GALNT7: variants seen among roughly 807,000 people sequenced by gnomAD.
GALNT7 encodes N-acetylgalactosaminyltransferase 7.
A neutral mutation model predicts 82.1 loss-of-function variants in GALNT7; 60 were observed. That is an observed-to-expected ratio of 0.73 (90% confidence interval 0.59 to 0.91). The LOEUF (loss-of-function observed/expected upper bound fraction) is 0.91, where lower values mean the gene tolerates loss of function less well. GALNT7 is among the 40% of genes least tolerant of loss of function. The probability of loss-of-function intolerance (pLI) is 0.00; values close to 1 mark genes in which losing one functional copy is unlikely to be tolerated. For missense variants in GALNT7, 660 were observed against 804.2 expected (o/e 0.82, Z 2.17); for synonymous variants, 243 against 275.1 (o/e 0.88, Z 1.15).
intron 1 of GALNT7, among the ~76,000 whole-genome samples, chr4:173,238,252 C>T (rs1397747767): frequency 6.6e-6 from 1 of 151,822 alleles, no homozygotes; most frequent in Non-Finnish European, 1.5e-5. Context: ...TTAGACAGAT[C>T]ATTTTGTAGG....
At chr4:173,194,642 G>GT (rs939774249) in intron 1 of GALNT7, among the ~76,000 whole-genome samples, 5 of 151,878 alleles carry the variant, frequency 3.3e-5, no homozygotes, top group South Asian at 2.1e-4. Context: ...TTATTTATTA[G>GT]TTTTTTTTAT....
At chr4:173,187,098 T>C (rs1289044306) in intron 1 of GALNT7, among the ~76,000 whole-genome samples, 11 of 152,154 alleles carry the variant, frequency 7.2e-5, no homozygotes, top group Admixed American at 7.2e-4. Context: ...AAAAAGAATG[T>C]ATGTTCATTG....
chr4:173,321,932 T>A lies in GALNT7; in HGVS notation c.*215T>A, dbSNP rs971040279. ...ACAAGACTGCTTTTACCTTAAACTT[T>A]GTAGATGTTTACATCTTTTTGTTGT... is the stretch of plus-strand genomic sequence containing the variant. On this transcript the variant is annotated 3_prime_UTR_variant, in exon 12 of 12. Transcript: ENST00000265000. 1 of 421,016 alleles carries A rather than the reference T, an allele frequency of 2.4e-6. No individual in the cohort carries two copies. The highest frequency in any genetic ancestry group is 2.0e-5 in the African/African-American group (1 of 50,436). The allele number at this position is 421,016 out of a possible 1,614,324, so 26.1% of individuals were successfully genotyped here.
Position 173,321,877 on chromosome 4 carries a change from C to T in GALNT7, c.*160C>T, listed in dbSNP as rs1737832968. The stretch of plus-strand genomic sequence containing the variant: ...AGGACATTGATAAACTGTGATTTTA[C>T]AATAACATTATCATCTGCAGTTACT... On this transcript the variant is annotated 3_prime_UTR_variant, in exon 12 of 12. Transcript: ENST00000265000. 2 of 552,126 alleles carry T rather than the reference C, an allele frequency of 3.6e-6. No individual in the cohort carries two copies. Among genetic ancestry groups the T allele is most frequent in the Non-Finnish European group, 3.2e-6 (1 of 308,022 alleles). The allele number at this position is 552,126 out of a possible 1,614,324, so 34.2% of individuals were successfully genotyped here. A position where few individuals can be genotyped will look rare whatever the true frequency, so the allele number is the denominator to read the frequency against.
rs1481035742 is a variant in GALNT7 at position 173,320,648 on chromosome 4, GTTTT to G, written c.1837-928_1837-925del. Among the ~76,000 whole-genome samples, 2 of 152,018 alleles carry G rather than the reference GTTTT, an allele frequency of 1.3e-5. No homozygotes were observed. The highest frequency in any genetic ancestry group is 2.4e-5 in the African/African-American group (1 of 41,394). On this transcript the variant is annotated intron_variant, in intron 11 of 11. Coordinates refer to ENST00000265000, the MANE Select transcript of GALNT7 (RefSeq NM_017423.3). This position sits in a 1 kb window ranked among gnomAD's most constrained non-coding sequence, Gnocchi z 4.1. ...AATAGCCGTTCATATAATTGTGGCTGTTTTTTTATTGTACACCACAACTTAATAA... is the reference window on the plus strand; with the variant it reads ...AATAGCCGTTCATATAATTGTGGCTGTTTATTGTACACCACAACTTAATAA...
At chr4:173,226,678 G>T (rs1231039057) in intron 1 of GALNT7, among the ~76,000 whole-genome samples, 1 of 152,164 alleles carries the variant, frequency 6.6e-6, no homozygotes, top group Non-Finnish European at 1.5e-5. Context: ...AGGCAGAAGG[G>T]CTGTGTGTGC....
At chr4:173,280,275 A>G (rs975057925) in intron 2 of GALNT7, among the ~76,000 whole-genome samples, 1 of 152,346 alleles carries the variant, frequency 6.6e-6, no homozygotes, top group African/African-American at 2.4e-5. Flanking sequence ...TCAAAATGTT[A>G]CGTTTTTCAT....
At chr4:173,270,780 A>T (rs990560016) in intron 2 of GALNT7, among the ~76,000 whole-genome samples, 1 of 152,214 alleles carries the variant, frequency 6.6e-6, no homozygotes, top group Non-Finnish European at 1.5e-5. Flanking sequence ...CTTCCAGCAG[A>T]GCTCTTGTAT....
intron 8 of GALNT7, among the ~76,000 whole-genome samples, chr4:173,311,271 A>T (rs1056575072): frequency 2.6e-5 from 4 of 152,220 alleles, no homozygotes; most frequent in African/African-American, 9.6e-5. Context: ...ATGTGTATAC[A>T]TAACTCTTCA....
At chr4:173,293,575 T>C (rs1736614573) in intron 3 of GALNT7, among the ~76,000 whole-genome samples, 2 of 152,248 alleles carry the variant, frequency 1.3e-5, no homozygotes, top group South Asian at 4.1e-4. Context: ...TAAAAGGAGC[T>C]AACTCGTAAT....
In GALNT7 at chr4:173,295,753, T is replaced by C; in HGVS notation, c.886-11T>C. On this transcript the variant is annotated splice_polypyrimidine_tract_variant and intron_variant, in intron 4 of 11. Coordinates refer to ENST00000265000, the MANE Select transcript of GALNT7 (RefSeq NM_017423.3). ...TGAGGAGTATTCTTTCACCTGCCTC[T>C]TTTTTTTAAGGTTTTGATATACCTT... The C allele has an allele frequency of 1.9e-6, 3 of 1,559,064 alleles. No homozygotes were observed. The highest frequency in any genetic ancestry group is 1.4e-5 in the African/African-American group (1 of 72,906).
intron 1 of GALNT7, among the ~76,000 whole-genome samples, chr4:173,235,556 C>CTTTT (rs11421248): frequency 9.2e-5 from 13 of 140,788 alleles, no homozygotes; most frequent in South Asian, 2.2e-4. Flanking sequence ...CTTTTCTTTT[C>CTTTT]TTTTTTTTTT....
chr4:173,257,541 A>C (rs1421971680), intron 2 of GALNT7, among the ~76,000 whole-genome samples: 1 of 152,232 alleles, frequency 6.6e-6, no homozygotes, highest in African/African-American at 2.4e-5. Flanking sequence ...ATGAGTTAAA[A>C]TTATATAAAT....
rs1302133299 is a variant in GALNT7 at position 173,297,766 on chromosome 4, T to C, written c.966-349T>C. 29 of 1,233,992 alleles carry C rather than the reference T, an allele frequency of 2.4e-5. No individual in the cohort carries two copies. The East Asian group carries it at 5.8e-4, about 25-fold the overall frequency. 76.4% of individuals were successfully genotyped at this position (1,233,992 alleles called of 1,614,324 possible). ...GCTGAACTAGTCTTGGGTTCTTAAA[T>C]GCTTTTTCATTTTCTGTAAATGTTT... On this transcript the variant is annotated intron_variant, in intron 5 of 11. Coordinates refer to ENST00000265000, the MANE Select transcript of GALNT7 (RefSeq NM_017423.3).
Position 173,317,828 on chromosome 4 carries a change from G to T in GALNT7, c.1707+96G>T, listed in dbSNP as rs1375089968. On this transcript the variant is annotated intron_variant, in intron 10 of 11. Coordinates refer to ENST00000265000, the MANE Select transcript of GALNT7 (RefSeq NM_017423.3). ...ATCTTTGTACTTTGGTTTTCGATTT[G>T]GTAATTTTGTTTGTTTTGATAAAGT... is the stretch of plus-strand genomic sequence containing the variant. 1.7e-5 allele frequency: 13 copies of T among 756,666 alleles called. No homozygotes were observed. In the East Asian group the frequency reaches 3.1e-4, roughly 18 times the overall value. The allele number at this position is 756,666 out of a possible 1,614,324, so 46.9% of individuals were successfully genotyped here. A position where few individuals can be genotyped will look rare whatever the true frequency, so the allele number is the denominator to read the frequency against.
intron 1 of GALNT7, among the ~76,000 whole-genome samples, chr4:173,169,945 A>G (rs1207684000): frequency 6.6e-6 from 1 of 151,968 alleles, no homozygotes. Context: ...GCTGGGACGC[A>G]TTTGTCTGCC....
At chr4:173,260,125 T>C (rs1223329123) in intron 2 of GALNT7, among the ~76,000 whole-genome samples, 1 of 152,230 alleles carries the variant, frequency 6.6e-6, no homozygotes, top group East Asian at 1.9e-4. Flanking sequence ...AATGCCAGAA[T>C]GAATTATACA....
intron 1 of GALNT7, 67 bp downstream of exon 1, chr4:173,169,028 G>A: frequency 6.5e-7 from 1 of 1,547,272 alleles, no homozygotes; most frequent in Non-Finnish European, 8.8e-7. Flanking sequence ...CCCGCGTGTG[G>A]AGGGAGCAGG....
intron 2 of GALNT7, among the ~76,000 whole-genome samples, chr4:173,283,329 A>G (rs541095928): frequency 3.7e-4 from 56 of 152,276 alleles, no homozygotes; most frequent in South Asian, 3.5e-3. Flanking sequence ...ACTTTGTTCC[A>G]CAAGGAATCT....
Sources: gnomAD v4.1 joint callset for allele counts (sites outside exome capture counted in the v4.1 genomes callset) on GRCh38, gnomAD v4.1.1 for gene constraint, Gnocchi (gnomAD v3.1) non-coding constraint, MANE v1.5 for transcripts, NCBI Gene and HGNC (gene_info 2026-07-23, HGNC 2026-07-21) for gene names.